Variants in CLCNKB observed in about 807,000 individuals in gnomAD.
The protein encoded by CLCNKB is chloride voltage-gated channel Kb.
A neutral mutation model predicts 83.8 loss-of-function variants in CLCNKB; 74 were observed. The ratio of observed to expected loss-of-function variants is 0.88; its 90% CI spans 0.73 to 1.07. The LOEUF is 1.07. Ranked by LOEUF, CLCNKB falls within the 50% of genes least tolerant of loss-of-function variation. The probability of loss-of-function intolerance (pLI) is 0.00; values close to 1 mark genes in which losing one functional copy is unlikely to be tolerated. For missense variants in CLCNKB, 798 were observed against 893.6 expected, an observed-to-expected ratio of 0.89 and a Z score of 1.36; for synonymous variants, 358 against 356.6, an observed-to-expected ratio of 1.00 and a Z score of -0.04.
chr1:16,055,416 CTGTCTCT>C lies in CLCNKB; in HGVS notation c.1757-18_1757-12del. The stretch of plus-strand genomic sequence containing the variant: ...TTCCTCCTAATGTGCCTCCCTCTGG[CTGTCTCT>C]CCACTTGCCAGAGTCCCAGATCCTG... On this transcript the variant is annotated splice_polypyrimidine_tract_variant and intron_variant, in intron 16 of 19. Coordinates refer to ENST00000375679, the MANE Select transcript of CLCNKB (RefSeq NM_000085.5). The C allele has an allele frequency of 6.2e-7, 1 of 1,607,430 alleles. No individual in the cohort carries two copies. Among genetic ancestry groups the C allele is most frequent in the Non-Finnish European group, 8.5e-7 (1 of 1,174,316 alleles).
At chr1:16,047,445 GAAACAAAC>G (rs34324462) in intron 4 of CLCNKB, among the ~76,000 whole-genome samples, 124,534 of 150,378 alleles carry the variant, frequency 0.83, 53,764 homozygotes, top group East Asian at 1. Context: ...ACCCCTGTCT[GAAACAAAC>G]AAACAAACAA....
chr1:16,048,967 G>A, intron 7 of CLCNKB, 153 bp from the exon 8 acceptor site: 1 of 1,536,290 alleles, frequency 6.5e-7, no homozygotes. Context: ...CCCCGCCCAG[G>A]GCGCATGCCC....
rs377274037 is a variant in CLCNKB, at chr1:16,048,433, G to C, written c.576+13G>C. The stretch of plus-strand genomic sequence containing the variant: ...CGGGGAGCCTGAGGTTAGGGACTCG[G>C]GGGCTTCCTTGGAGAAATGGGAGTG... On this transcript the variant is annotated intron_variant, in intron 6 of 19. Coordinates refer to ENST00000375679, the MANE Select transcript of CLCNKB (RefSeq NM_000085.5). 6.8e-6 allele frequency: 11 copies of C among 1,613,840 alleles called. No individual in the cohort carries two copies. In the African/African-American group the frequency reaches 1.5e-4, roughly 22 times the overall value.
At position 16,050,928 on chromosome 1, in the gene CLCNKB, G is replaced by A; in HGVS notation, c.1107G>A (p.Leu369=). 2.5e-6 allele frequency: 4 copies of A among 1,613,204 alleles called. No homozygotes were observed. The South Asian group carries it at 3.3e-5, about 13-fold the overall frequency. ...DSLFDNHSWA[L]MTQNSSPPWP... The stretch of plus-strand genomic sequence containing the variant: ...TGTTCGACAACCACTCCTGGGCGCT[G>A]ATGACCCAGAACTCCAGCCCACCCT... The change falls in exon 12 of 20, where the codon CTG becomes CTA. Residue 369 remains leucine, a synonymous_variant. Coordinates refer to ENST00000375679, the MANE Select transcript of CLCNKB (RefSeq NM_000085.5).
At position 16,048,454 on chromosome 1, in the gene CLCNKB, G is replaced by C. The variant is rs373239850; in HGVS notation, c.576+34G>C. 25 of 1,613,538 alleles carry C rather than the reference G, an allele frequency of 1.5e-5. No homozygotes were observed. The African/African-American group carries it at 3.3e-4, about 22-fold the overall frequency. ...CTCGGGGGCTTCCTTGGAGAAATGG[G>C]AGTGGGGAGGGAGGGGGCTGACTCT... On this transcript the variant is annotated intron_variant, in intron 6 of 19. Coordinates refer to ENST00000375679, the MANE Select transcript of CLCNKB (RefSeq NM_000085.5).
In CLCNKB at chr1:16,050,905, T is replaced by A. The variant is rs1323242405; in HGVS notation, c.1084T>A (p.Phe362Ile). The A allele has an allele frequency of 1.2e-6, 2 of 1,612,508 alleles. No individual in the cohort carries two copies. The highest frequency in any genetic ancestry group is 3.3e-5 in the Admixed American group (2 of 60,010). Residue 362 changes from phenylalanine to isoleucine, a missense_variant, in exon 12 of 20, where the codon TTC becomes ATC. Transcript: ENST00000375679. ...LSMKQHLDSL[F>I]DNHSWALMTQ... ...CATGAAGCAGCATCTGGACTCGCTG[T>A]TCGACAACCACTCCTGGGCGCTGAT...
Position 16,048,715 on chromosome 1 carries a change from G to A in CLCNKB, c.655+133G>A, listed in dbSNP as rs9633514. The A allele has an allele frequency of 0.36, 540,202 of 1,496,660 alleles. 102,611 individuals are homozygous for A. Among genetic ancestry groups the A allele is most frequent in the East Asian group, 0.73 (29,570 of 40,478 alleles). 92.7% of individuals were successfully genotyped at this position (1,496,660 alleles called of 1,614,324 possible). A position where few individuals can be genotyped will look rare whatever the true frequency, so the allele number is the denominator to read the frequency against. On this transcript the variant is annotated intron_variant, in intron 7 of 19. Transcript: ENST00000375679. ...TAGTTCTCACTTCAGCCCCGCCTTG[G>A]GCACAGCCACCGCCCCCCACCGGGG...
chr1:16,046,284 G>A (rs1302744546), intron 3 of CLCNKB, among the ~76,000 whole-genome samples: 1 of 152,204 alleles, frequency 6.6e-6, no homozygotes, highest in Non-Finnish European at 1.5e-5. Flanking sequence ...GAGCCCACTT[G>A]GCAGATGGGG....
At chr1:16,044,356 T>TACACACACACACACAC (rs1553127093) in intron 1 of CLCNKB, 130 bp from the exon 2 acceptor site, 55,367 of 370,948 alleles carry the variant, frequency 0.15, 1,310 homozygotes, top group Non-Finnish European at 0.19. Context: ...TAACTTCACA[T>TACACACACACACACAC]ACACACACAC....
At position 16,045,461 on chromosome 1, in the gene CLCNKB, C is replaced by T. The variant is rs2023070492; in HGVS notation, c.101-97C>T. The stretch of plus-strand genomic sequence containing the variant: ...TATACCACCAAGCTCCATCCCCCTG[C>T]CCCAGCCTCTCTGCCTGAAGCCCAG... On this transcript the variant is annotated intron_variant, in intron 2 of 19. Coordinates refer to ENST00000375679, the MANE Select transcript of CLCNKB (RefSeq NM_000085.5). The T allele has an allele frequency of 2.7e-6, 4 of 1,459,560 alleles. No individual in the cohort carries two copies. In the African/African-American group the frequency reaches 5.5e-5, roughly 20 times the overall value. The allele number at this position is 1,459,560 out of a possible 1,614,324, so 90.4% of individuals were successfully genotyped here.
chr1:16,052,529 C>A, intron 15 of CLCNKB, 118 bp downstream of exon 15: 1 of 1,072,670 alleles, frequency 9.3e-7, no homozygotes, highest in Non-Finnish European at 1.3e-6. Context: ...TGGGGGCTGA[C>A]ACACAGCTGT....
In CLCNKB at chr1:16,050,513, C is replaced by G. The variant is rs1290641609; in HGVS notation, c.969-3C>G. The stretch of plus-strand genomic sequence containing the variant: ...AGCCCTAGAGCCCACCCATCCCCCA[C>G]AGCAAGCCTGTGTACTCCGCTCTGG... On this transcript the variant is annotated splice_polypyrimidine_tract_variant and splice_region_variant and intron_variant, in intron 10 of 19. Coordinates refer to ENST00000375679, the MANE Select transcript of CLCNKB (RefSeq NM_000085.5). The G allele has an allele frequency of 6.2e-7, 1 of 1,614,076 alleles. No homozygotes were observed. Among genetic ancestry groups the G allele is most frequent in the Admixed American group, 1.7e-5 (1 of 60,026 alleles).
Position 16,049,112 on chromosome 1 carries a change from GC to G in CLCNKB, c.656-3del, listed in dbSNP as rs1279574325. ...GGAGGGCCCACCTGAGATCAGTGTCGCCCCCAGGCGTCCTGTTCAGCATCGA... is the reference window on the plus strand; with the variant it reads ...GGAGGGCCCACCTGAGATCAGTGTCGCCCCAGGCGTCCTGTTCAGCATCGA... On this transcript the variant is annotated splice_region_variant and splice_polypyrimidine_tract_variant and intron_variant, in intron 7 of 19. Coordinates refer to ENST00000375679, the MANE Select transcript of CLCNKB (RefSeq NM_000085.5). The G allele has an allele frequency of 1.2e-6, 2 of 1,613,456 alleles. No individual in the cohort carries two copies.
chr1:16,055,568 G>A, intron 17 of CLCNKB, 45 bp downstream of exon 17: 1 of 1,520,448 alleles, frequency 6.6e-7, no homozygotes, highest in Non-Finnish European at 9.1e-7. Flanking sequence ...GGGTGGGTCA[G>A]CAGGAATGGG....
At chr1:16,048,653 C>T in intron 7 of CLCNKB, 71 bp downstream of exon 7, 17 of 1,600,244 alleles carry the variant, frequency 1.1e-5, no homozygotes, top group Non-Finnish European at 1.5e-5. Context: ...CTCCTTCGGC[C>T]CAGCTGAGAG....
Position 16,047,888 on chromosome 1 carries a change from T to G in CLCNKB, c.359-17T>G. 1 of 1,613,092 alleles carries G rather than the reference T, an allele frequency of 6.2e-7. No individual in the cohort carries two copies. Among genetic ancestry groups the G allele is most frequent in the Non-Finnish European group, 8.5e-7 (1 of 1,179,908 alleles). ...CTAGAGATTGTCCCCCTCCTGGCCC[T>G]GCCCACCCCCGCCAAGGTTCTGGAA... On this transcript the variant is annotated splice_polypyrimidine_tract_variant and intron_variant, in intron 4 of 19. Transcript: ENST00000375679.
chr1:16,051,807 G>T lies in CLCNKB; in HGVS notation c.1395G>T (p.Gly465=), dbSNP rs750711107. The T allele has an allele frequency of 1.9e-6, 3 of 1,612,176 alleles. No homozygotes were observed. The highest frequency in any genetic ancestry group is 2.5e-6 in the Non-Finnish European group (3 of 1,178,462). The change falls in exon 14 of 20, where the codon GGG becomes GGT. Residue 465 remains glycine (G), a synonymous_variant. Transcript: ENST00000375679. Reference sequence around the variant, plus strand: ...TCACCAATCCCATCATGCCAGGGGGGTATGCTCTGGCAGGTGAGTGGGTCA... The same window carrying T: ...TCACCAATCCCATCATGCCAGGGGGTTATGCTCTGGCAGGTGAGTGGGTCA... ...GGITNPIMPG[G]YALAGAAAFS...
chr1:16,046,786 C>G, intron 4 of CLCNKB, 123 bp downstream of exon 4: 2 of 1,294,618 alleles, frequency 1.5e-6, no homozygotes, highest in Non-Finnish European at 2.2e-6. Flanking sequence ...GTGGCTTGCC[C>G]AAAGGGACAC....
chr1:16,055,757 A>C lies in CLCNKB; in HGVS notation c.1928A>C (p.Glu643Ala). ...CTGTCCCCAGAGACTTCCCTGCATG[A>C]GGTAACGGGGAGAACTGGGGAGTGT... ...LKLSPETSLHEAHNLFELLNL... is the reference protein window; with the variant it reads ...LKLSPETSLHAAHNLFELLNL... Residue 643 changes from glutamate to alanine, a missense_variant and splice_region_variant, in exon 18 of 20, where the codon GAG becomes GCG. Physicochemically the swap from Glu to Ala is moderately radical, Grantham distance 107. Transcript: ENST00000375679. The C allele has an allele frequency of 6.2e-7, 1 of 1,613,522 alleles. No homozygotes were observed.
Sources: gnomAD v4.1 joint callset for allele counts (sites outside exome capture counted in the v4.1 genomes callset) on GRCh38, gnomAD v4.1.1 for gene constraint, MANE v1.5 for transcripts, NCBI Gene and HGNC (gene_info 2026-07-23, HGNC 2026-07-21) for gene names.